CTNNA3: variants seen among roughly 807,000 people sequenced by gnomAD.
CTNNA3 encodes the protein catenin alpha 3.
A neutral mutation model predicts 95.7 loss-of-function variants in CTNNA3; 76 were observed. That is an observed-to-expected ratio of 0.79 (90% CI 0.66 to 0.96). CTNNA3 has a LOEUF of 0.96. CTNNA3 is among the 40% of genes least tolerant of loss of function. The pLI is 0.00. For missense variants in CTNNA3, 1,191 were observed against 1,089.8 expected (o/e 1.09, Z -1.31); for synonymous variants, 431 against 374.4 (o/e 1.15, Z -1.74).
intron 7 of CTNNA3, among the ~76,000 whole-genome samples, chr10:66,899,725 C>G (rs558493575): frequency 6.6e-6 from 1 of 152,144 alleles, no homozygotes; most frequent in Non-Finnish European, 1.5e-5. Context: ...GCAGGTACCA[C>G]GCCCATAGAG....
At chr10:66,842,935 G>A (rs970078161) in intron 7 of CTNNA3, among the ~76,000 whole-genome samples, 1 of 152,050 alleles carries the variant, frequency 6.6e-6, no homozygotes, top group Non-Finnish European at 1.5e-5. Context: ...AAAATAAGGT[G>A]CACCAAAACA....
chr10:66,902,709 G>A (rs190913963), intron 7 of CTNNA3, among the ~76,000 whole-genome samples: 117 of 152,202 alleles, frequency 7.7e-4, no homozygotes, highest in African/African-American at 2.7e-3. Flanking sequence ...TATCACCACC[G>A]ATCCCACAGA....
At chr10:67,144,117 T>C (rs1011921973) in intron 7 of CTNNA3, among the ~76,000 whole-genome samples, 4 of 152,254 alleles carry the variant, frequency 2.6e-5, no homozygotes, top group Admixed American at 6.5e-5. Context: ...ATCAGAGCTC[T>C]TGGGTGACCA....
At chr10:66,230,647 C>T (rs185980420) in intron 13 of CTNNA3, among the ~76,000 whole-genome samples, 19 of 152,086 alleles carry the variant, frequency 1.2e-4, no homozygotes, top group Non-Finnish European at 2.4e-4. Flanking sequence ...GTGACAGGCT[C>T]CTCATGGGAC....
At chr10:67,568,739 C>T (rs938304476) in intron 3 of CTNNA3, among the ~76,000 whole-genome samples, 11 of 151,994 alleles carry the variant, frequency 7.2e-5, no homozygotes, top group African/African-American at 2.2e-4. Flanking sequence ...TCCTAAGTAA[C>T]GGGTCAGCTC....
At chr10:66,873,366 T>G (rs1275771347) in intron 7 of CTNNA3, among the ~76,000 whole-genome samples, 1 of 134,206 alleles carries the variant, frequency 7.5e-6, no homozygotes. Context: ...TTTTTTTGTT[T>G]GTTTGTTTTT....
In CTNNA3 at chr10:66,360,638, TCTTTCTTTCTTTCTTTCTTTCTTCCTTC is replaced by T. The variant is rs1208935964; in HGVS notation, c.1732+18486_1732+18513del. Among the ~76,000 whole-genome samples the T allele has an allele frequency of 4.1e-3, 221 of 53,312 alleles. 1 individual carries two copies. Among genetic ancestry groups the T allele is most frequent in the African/African-American group, 0.013 (212 of 16,488 alleles). The allele number at this position is 53,312 out of a possible 152,430, so 35.0% of individuals were successfully genotyped here. On this transcript the variant is annotated intron_variant, in intron 12 of 17. Transcript: ENST00000433211. ...TTCTTTCTTTCTTTCTTTCTTTCTT[TCTTTCTTTCTTTCTTTCTTTCTTCCTTC>T]CTTCCTTCCTTCCTTCCTTCCTTCC...
chr10:66,781,063 T>C (rs1427222026), intron 7 of CTNNA3, among the ~76,000 whole-genome samples: 1 of 152,160 alleles, frequency 6.6e-6, no homozygotes, highest in African/African-American at 2.4e-5. Context: ...AGGAAGGCCA[T>C]GATGCTCACC....
intron 5 of CTNNA3, among the ~76,000 whole-genome samples, chr10:67,351,689 C>T (rs2132645566): frequency 6.6e-6 from 1 of 152,042 alleles, no homozygotes; most frequent in East Asian, 1.9e-4. Flanking sequence ...CTGAGAGAAG[C>T]TGTCAAACTC....
chr10:66,519,831 T>C (rs939335328), intron 11 of CTNNA3, among the ~76,000 whole-genome samples: 1 of 152,206 alleles, frequency 6.6e-6, no homozygotes, highest in Non-Finnish European at 1.5e-5. Flanking sequence ...TGGGTGCGTG[T>C]CCTGAACTTT....
At chr10:67,458,920 A>C (rs1295215647) in intron 5 of CTNNA3, among the ~76,000 whole-genome samples, 1 of 152,140 alleles carries the variant, frequency 6.6e-6, no homozygotes, top group African/African-American at 2.4e-5. Context: ...AACGTGGATT[A>C]TTTCTCATGT....
intron 9 of CTNNA3, among the ~76,000 whole-genome samples, chr10:66,740,868 A>G (rs1849304835): frequency 6.6e-6 from 1 of 152,200 alleles, no homozygotes; most frequent in Non-Finnish European, 1.5e-5. Context: ...TAATATGGAG[A>G]GGAAAAGCAA....
intron 10 of CTNNA3, among the ~76,000 whole-genome samples, chr10:66,563,326 A>G (rs963409866): frequency 1.3e-5 from 2 of 152,260 alleles, no homozygotes; most frequent in East Asian, 3.9e-4. Flanking sequence ...TGCAAATTAC[A>G]GAAGAATTAA....
At chr10:66,903,866 A>G (rs989492028) in intron 7 of CTNNA3, among the ~76,000 whole-genome samples, 6 of 152,214 alleles carry the variant, frequency 3.9e-5, no homozygotes, top group Non-Finnish European at 8.8e-5. Flanking sequence ...CCACTGCTCA[A>G]TTAAATAAAA....
chr10:67,704,854 G>A (rs901479556), intron 1 of CTNNA3, among the ~76,000 whole-genome samples: 2 of 151,328 alleles, frequency 1.3e-5, no homozygotes, highest in Non-Finnish European at 2.9e-5. Flanking sequence ...TACAAAATGG[G>A]AGAAAATTTT....
chr10:66,685,329 A>G (rs1255469608), intron 9 of CTNNA3, among the ~76,000 whole-genome samples: 1,046 of 24,060 alleles, frequency 0.043, 43 homozygotes, highest in African/African-American at 0.16. Flanking sequence ...ATGTGTGTAT[A>G]TATATATATA....
chr10:67,395,127 A>G (rs911333782), intron 5 of CTNNA3, among the ~76,000 whole-genome samples: 1 of 152,128 alleles, frequency 6.6e-6, no homozygotes, highest in Non-Finnish European at 1.5e-5. Context: ...GTTTCTCTAC[A>G]CATCTAATCA....
In CTNNA3 at chr10:66,828,032, T is replaced by A. The variant is rs1244386669; in HGVS notation, c.1048-52508A>T. On this transcript the variant is annotated intron_variant, in intron 7 of 17. Transcript: ENST00000433211. ...AGAATAATGCCATGCTTAAGAGCCA[T>A]GTGTTCAACATCTGCAAAGCAAAAG... Among the ~76,000 whole-genome samples the A allele has an allele frequency of 2.0e-5, 3 of 152,200 alleles. No individual in the cohort carries two copies. In the East Asian group the frequency reaches 5.8e-4, roughly 29 times the overall value.
chr10:66,518,908 T>G (rs1840957477), intron 11 of CTNNA3, among the ~76,000 whole-genome samples: 1 of 152,070 alleles, frequency 6.6e-6, no homozygotes, highest in Non-Finnish European at 1.5e-5. Context: ...ACATTTCATT[T>G]TCACTAATGT....
Sources: allele counts gnomAD v4.1 joint callset (sites outside exome capture counted in the v4.1 genomes callset), GRCh38; gene constraint gnomAD v4.1.1; transcripts MANE v1.5; gene names NCBI Gene and HGNC (gene_info 2026-07-23, HGNC 2026-07-21).